The following BPI variants were observed in gnomAD, a reference collection of about 807,000 sequenced individuals.
The protein encoded by BPI is bactericidal permeability increasing protein.
In BPI, 48 loss-of-function variants were observed where a neutral mutation model predicts 57.6. That is an observed-to-expected ratio of 0.83 (90% CI 0.66 to 1.06). The LOEUF (loss-of-function observed/expected upper bound fraction) is 1.06. BPI is among the 50% of genes least tolerant of loss of function. BPI has a pLI of 0.00. For synonymous variants in BPI, 237 were observed against 238.2 expected, an observed-to-expected ratio of 0.99 and a Z score of 0.05; for missense variants, 651 against 609.7, an observed-to-expected ratio of 1.07 and a Z score of -0.71.
intron 5 of BPI, among the ~76,000 whole-genome samples, chr20:38,315,919 G>A (rs1424636441): frequency 4.7e-5 from 7 of 148,412 alleles, no homozygotes; most frequent in Non-Finnish European, 8.9e-5. Flanking sequence ...TGCAACCTCC[G>A]CCTCCCGGGT....
chr20:38,334,607 G>C, intron 13 of BPI, 114 bp downstream of exon 13: 1 of 1,065,478 alleles, frequency 9.4e-7, no homozygotes, highest in Non-Finnish European at 1.4e-6. Context: ...CAGTGGTGAT[G>C]TCAAGTGAAC....
chr20:38,329,223 G>T (rs866526866), intron 11 of BPI, among the ~76,000 whole-genome samples: 18 of 152,086 alleles, frequency 1.2e-4, no homozygotes, highest in African/African-American at 4.3e-4. Context: ...GGAGTCGGGG[G>T]GCAGAGAGAA....
chr20:38,307,038 A>AT (rs1223159210), intron 1 of BPI, among the ~76,000 whole-genome samples: 1 of 152,116 alleles, frequency 6.6e-6, no homozygotes, highest in African/African-American at 2.4e-5. Context: ...TTAAAAAAAA[A>AT]TTTTTAAAAA....
Position 38,327,595 on chromosome 20 carries a change from C to T in BPI, c.1169C>T (p.Thr390Ile). The T allele has an allele frequency of 6.2e-7, 1 of 1,613,302 alleles. No homozygotes were observed. Among genetic ancestry groups the T allele is most frequent in the Admixed American group, 1.7e-5 (1 of 60,018 alleles). The change falls in exon 11 of 15, where the codon ACT becomes ATT. Residue 390 changes from threonine to isoleucine, a missense_variant. Transcript: ENST00000642449. ...ASLFLIGMHT[T>I]GSMEVSAESN... ...GGGTTGTTGTTTTGGCAGCACACAA[C>T]TGGTTCCATGGAGGTCAGCGCCGAG...
chr20:38,311,561 C>T (rs980925523), intron 4 of BPI, among the ~76,000 whole-genome samples: 2 of 152,000 alleles, frequency 1.3e-5, no homozygotes, highest in African/African-American at 4.8e-5. Flanking sequence ...TGCAAAGGCA[C>T]GGTAATGGGA....
At chr20:38,324,623 T>C (rs1263565695) in intron 8 of BPI, 151 bp from the exon 9 acceptor site, 4 of 639,994 alleles carry the variant, frequency 6.3e-6, no homozygotes, top group African/African-American at 1.8e-5. Context: ...GGCTGGTTGC[T>C]GCAGAATTTG....
intron 5 of BPI, among the ~76,000 whole-genome samples, chr20:38,314,884 G>A (rs1452499986): frequency 6.6e-6 from 1 of 151,600 alleles, no homozygotes; most frequent in East Asian, 1.9e-4. Flanking sequence ...TGGTGATGGT[G>A]AGACTGATGA....
chr20:38,326,359 A>AC lies in BPI; in HGVS notation c.1091dup (p.Ala365CysfsTer46). On this transcript the variant is annotated frameshift_variant, in exon 10 of 15. Transcript: ENST00000642449. LOFTEE classifies it high-confidence loss of function. The stretch of plus-strand genomic sequence containing the variant: ...GTGCAGCCCACCGGCCTTACCTTCT[A>AC]CCCTGCCGTGGATGTCCAGGCCTTT... The AC allele has an allele frequency of 5.0e-6, 8 of 1,614,012 alleles. No individual in the cohort carries two copies. The highest frequency in any genetic ancestry group is 6.8e-6 in the Non-Finnish European group (8 of 1,179,994).
chr20:38,328,291 G>A (rs528607830), intron 11 of BPI, among the ~76,000 whole-genome samples: 1 of 152,268 alleles, frequency 6.6e-6, no homozygotes, highest in African/African-American at 2.4e-5. Context: ...GGTGGCTCAC[G>A]CCTGTAATCC....
At chr20:38,335,696 A>G (rs749817274) in intron 14 of BPI, 22 bp downstream of exon 14, 3 of 1,607,894 alleles carry the variant, frequency 1.9e-6, no homozygotes, top group Non-Finnish European at 2.6e-6. Context: ...AGTCTTTTCC[A>G]CAAATCTCCC....
At chr20:38,311,768 A>G (rs2122502045) in intron 4 of BPI, 106 bp from the exon 5 acceptor site, 1 of 1,153,346 alleles carries the variant, frequency 8.7e-7, no homozygotes, top group Non-Finnish European at 1.3e-6. Context: ...GGGTGCCAAA[A>G]CCTGTTTCTA....
intron 3 of BPI, among the ~76,000 whole-genome samples, chr20:38,309,537 GT>G (rs2076612448): frequency 6.6e-6 from 1 of 152,090 alleles, no homozygotes; most frequent in African/African-American, 2.4e-5. Context: ...TAGCAGAGGT[GT>G]AAAAAGGGAA....
intron 7 of BPI, among the ~76,000 whole-genome samples, chr20:38,321,402 C>A (rs2076684952): frequency 6.6e-6 from 1 of 152,068 alleles, no homozygotes; most frequent in Non-Finnish European, 1.5e-5. Flanking sequence ...GTTAAGCTTC[C>A]TCTCACCTCA....
chr20:38,318,940 C>T lies in BPI; in HGVS notation c.664+464C>T, dbSNP rs116108243. ...CCCCTGAGAGAGGCATTATTCTCCC[C>T]GTTTTACACAGGAGTAACCTGGCCG... On this transcript the variant is annotated intron_variant, in intron 6 of 14. Coordinates refer to ENST00000642449, the MANE Select transcript of BPI (RefSeq NM_001725.3). Among the ~76,000 whole-genome samples, 1,097 of 152,216 alleles carry T rather than the reference C, an allele frequency of 7.2e-3. 8 individuals carry two copies. Among genetic ancestry groups the T allele is most frequent in the African/African-American group, 0.025 (1,053 of 41,540 alleles).
At chr20:38,311,668 T>G (rs753889698) in intron 4 of BPI, among the ~76,000 whole-genome samples, 12 of 152,068 alleles carry the variant, frequency 7.9e-5, no homozygotes, top group Non-Finnish European at 1.8e-4. Flanking sequence ...GGCCCAGCCA[T>G]GCAGGGATTC....
In BPI at chr20:38,328,279, G is replaced by A. The variant is rs564646967; in HGVS notation, c.1229+624G>A. ...TCAAATAAGCCCAGTAAGGCCAGGC[G>A]CGGTGGCTCACGCCTGTAATCCCAG... On this transcript the variant is annotated intron_variant, in intron 11 of 14. Transcript: ENST00000642449. Among the ~76,000 whole-genome samples, 60 of 152,130 alleles carry A rather than the reference G, an allele frequency of 3.9e-4. No individual in the cohort carries two copies. The South Asian group carries it at 8.1e-3, about 21-fold the overall frequency.
chr20:38,330,996 T>G, intron 11 of BPI, 52 bp from the exon 12 acceptor site: 1 of 1,598,936 alleles, frequency 6.3e-7, no homozygotes, highest in South Asian at 1.1e-5. Flanking sequence ...GACTGGGTTC[T>G]CATGCTAGTC....
At chr20:38,315,429 C>T (rs2076647524) in intron 5 of BPI, among the ~76,000 whole-genome samples, 2 of 152,152 alleles carry the variant, frequency 1.3e-5, no homozygotes, top group Admixed American at 6.5e-5. Flanking sequence ...GAAGAGCCTG[C>T]GTCAGTACAA....
chr20:38,304,427 T>G, intron 1 of BPI, 74 bp downstream of exon 1: 1 of 1,559,430 alleles, frequency 6.4e-7, no homozygotes, highest in South Asian at 1.1e-5. Context: ...GTGCACCCCT[T>G]TAGATCCAGC....
Sources: allele counts gnomAD v4.1 joint callset (sites outside exome capture counted in the v4.1 genomes callset), GRCh38; gene constraint gnomAD v4.1.1; transcripts MANE v1.5; gene names NCBI Gene and HGNC (gene_info 2026-07-23, HGNC 2026-07-21).